Variants in MSRA observed in about 807,000 individuals in gnomAD.
MSRA encodes mitochondrial peptide methionine sulfoxide reductase.
Under a neutral mutation model 31.3 loss-of-function variants are expected in MSRA, and 54 were observed. The ratio of observed to expected loss-of-function variants is 1.73; its 90% confidence interval spans 1.39 to 2.17. The LOEUF is 2.17. Ranked by LOEUF, MSRA falls within the 30% of genes most tolerant of loss-of-function variation. MSRA has a pLI of 0.00. For synonymous variants in MSRA, 169 were observed against 116.5 expected (o/e 1.45, Z -2.90); for missense variants, 507 against 300.9 (o/e 1.69, Z -5.07).
chr8:10,078,399 G>C (rs1157085573), intron 1 of MSRA, among the ~76,000 whole-genome samples: 8 of 152,236 alleles, frequency 5.3e-5, no homozygotes, highest in African/African-American at 1.4e-4. Context: ...ATGGAGGTGG[G>C]TCCTGTAGGC....
At chr8:10,398,738 G>A (rs1373822927) in intron 5 of MSRA, among the ~76,000 whole-genome samples, 2 of 152,326 alleles carry the variant, frequency 1.3e-5, no homozygotes, top group South Asian at 2.1e-4. Context: ...GGAGGTTGGG[G>A]ATTTGTTTCT....
intron 1 of MSRA, among the ~76,000 whole-genome samples, chr8:10,161,263 C>G (rs1428222127): frequency 6.6e-6 from 1 of 152,184 alleles, no homozygotes; most frequent in Non-Finnish European, 1.5e-5. Flanking sequence ...TAAATATCAT[C>G]TGTTTCCCCA....
intron 1 of MSRA, among the ~76,000 whole-genome samples, chr8:10,076,952 C>T (rs978144012): frequency 2.0e-5 from 3 of 150,056 alleles, no homozygotes; most frequent in Non-Finnish European, 4.4e-5. Flanking sequence ...GGGCTTAATA[C>T]GTAGGTAATG....
intron 5 of MSRA, among the ~76,000 whole-genome samples, chr8:10,386,684 G>A (rs1806412583): frequency 6.6e-6 from 1 of 152,048 alleles, no homozygotes; most frequent in South Asian, 2.1e-4. Context: ...GCTCCCAGGT[G>A]ATGCTGCTGA....
intron 1 of MSRA, among the ~76,000 whole-genome samples, chr8:10,149,836 A>G (rs1459347551): frequency 2.0e-4 from 1 of 4,968 alleles, no homozygotes; most frequent in Non-Finnish European, 9.2e-4. Context: ...ATGGGACGGT[A>G]TATTTGTGCT....
At chr8:10,119,079 A>G (rs970696399) in intron 1 of MSRA, among the ~76,000 whole-genome samples, 6 of 152,100 alleles carry the variant, frequency 3.9e-5, no homozygotes. Flanking sequence ...GATCTAGGGT[A>G]TGTCTTTTAG....
chr8:10,269,034 T>C (rs1798890479), intron 3 of MSRA, among the ~76,000 whole-genome samples: 1 of 152,240 alleles, frequency 6.6e-6, no homozygotes, highest in Non-Finnish European at 1.5e-5. Context: ...TGTGTTTCCT[T>C]GCACAGTCGT....
chr8:10,117,534 A>G (rs1800774503), intron 1 of MSRA, among the ~76,000 whole-genome samples: 1 of 152,154 alleles, frequency 6.6e-6, no homozygotes, highest in Admixed American at 6.5e-5. Flanking sequence ...GTAAGTTTCT[A>G]TGTGGGGTAT....
chr8:10,389,401 C>A (rs1806594702), intron 5 of MSRA, among the ~76,000 whole-genome samples: 1 of 152,232 alleles, frequency 6.6e-6, no homozygotes, highest in Non-Finnish European at 1.5e-5. Flanking sequence ...GTACTCGCTT[C>A]CCTTTGCAAT....
At chr8:10,159,625 C>T (rs1019394217) in intron 1 of MSRA, among the ~76,000 whole-genome samples, 1 of 151,300 alleles carries the variant, frequency 6.6e-6, no homozygotes, top group Non-Finnish European at 1.5e-5. Flanking sequence ...TGTCAAAGCA[C>T]TTTACAAGGC....
chr8:10,346,396 A>G (rs796722673), intron 5 of MSRA, among the ~76,000 whole-genome samples: 19 of 151,806 alleles, frequency 1.3e-4, no homozygotes, highest in African/African-American at 4.6e-4. Flanking sequence ...AAGTGTAAAC[A>G]CCCTCCCCCA....
intron 5 of MSRA, among the ~76,000 whole-genome samples, chr8:10,413,188 G>A (rs558760272): frequency 6.6e-5 from 10 of 152,328 alleles, no homozygotes; most frequent in Non-Finnish European, 1.2e-4. Context: ...AGAAGAGAAG[G>A]CCGAGTGGAG....
At chr8:10,162,094 A>T (rs1759778599) in intron 1 of MSRA, among the ~76,000 whole-genome samples, 1 of 152,084 alleles carries the variant, frequency 6.6e-6, no homozygotes, top group African/African-American at 2.4e-5. Flanking sequence ...AGGAATTCCG[A>T]TGGGAGGTGA....
intron 3 of MSRA, among the ~76,000 whole-genome samples, chr8:10,294,686 C>A (rs992102229): frequency 2.6e-5 from 4 of 152,130 alleles, no homozygotes; most frequent in Non-Finnish European, 5.9e-5. Context: ...AACAGTGTCA[C>A]CGACCTCCTT....
chr8:10,289,089 C>T (rs547453528), intron 3 of MSRA, among the ~76,000 whole-genome samples: 6 of 151,812 alleles, frequency 4.0e-5, no homozygotes, highest in Non-Finnish European at 7.4e-5. Flanking sequence ...GATCTCGGCT[C>T]ACTGCAACCT....
intron 3 of MSRA, among the ~76,000 whole-genome samples, chr8:10,248,363 A>G (rs1797732908): frequency 6.6e-6 from 1 of 152,194 alleles, no homozygotes; most frequent in African/African-American, 2.4e-5. Flanking sequence ...GATGCCAGAA[A>G]TATAGGAGGA....
chr8:10,133,082 C>G (rs144841934), intron 1 of MSRA, among the ~76,000 whole-genome samples: 1 of 152,254 alleles, frequency 6.6e-6, no homozygotes, highest in African/African-American at 2.4e-5. Context: ...GAAGGGAGTC[C>G]GCATTGGACT....
chr8:10,084,375 G>A (rs1282731549), intron 1 of MSRA, among the ~76,000 whole-genome samples: 1 of 152,268 alleles, frequency 6.6e-6, no homozygotes, highest in Non-Finnish European at 1.5e-5. Context: ...CGGCTCCACT[G>A]ACTCATAGGA....
intron 2 of MSRA, among the ~76,000 whole-genome samples, chr8:10,229,148 G>T (rs1811249500): frequency 6.6e-6 from 1 of 152,178 alleles, no homozygotes; most frequent in African/African-American, 2.4e-5. Flanking sequence ...ATCCTGCTGT[G>T]TGACTCAGAG....
Sources: allele counts gnomAD v4.1 joint callset (sites outside exome capture counted in the v4.1 genomes callset), GRCh38; gene constraint gnomAD v4.1.1; transcripts MANE v1.5; gene names NCBI Gene and HGNC (gene_info 2026-07-23, HGNC 2026-07-21).